Variants in DLG2 observed in about 807,000 individuals in gnomAD.
DLG2 encodes disks large homolog 2.
A neutral mutation model predicts 132.5 loss-of-function variants in DLG2; 45 were observed. The observed-to-expected ratio is 0.34, with a 90% CI of 0.27 to 0.44. The LOEUF (loss-of-function observed/expected upper bound fraction) is 0.44, where lower values mean the gene tolerates loss of function less well. Among genes scored for constraint, DLG2 ranks in the 20% least tolerant of loss-of-function variants. The probability of loss-of-function intolerance (pLI) is 1.00; values close to 1 mark genes in which losing one functional copy is unlikely to be tolerated. For missense variants in DLG2, 1,045 were observed against 1,196.9 expected, an observed-to-expected ratio of 0.87 and a Z score of 1.87; for synonymous variants, 424 against 419.6, an observed-to-expected ratio of 1.01 and a Z score of -0.13.
chr11:84,651,621 T>C (rs1342651590), intron 6 of DLG2, among the ~76,000 whole-genome samples: 1 of 152,140 alleles, frequency 6.6e-6, no homozygotes, highest in East Asian at 1.9e-4. Flanking sequence ...GTGAAGCCAT[T>C]GGTATTGGAA....
chr11:83,624,282 T>C (rs964316986), intron 19 of DLG2, among the ~76,000 whole-genome samples: 1 of 152,200 alleles, frequency 6.6e-6, no homozygotes, highest in African/African-American at 2.4e-5. Context: ...GAGTCACTTA[T>C]GATACTTTTG....
intron 4 of DLG2, among the ~76,000 whole-genome samples, chr11:85,222,304 A>G (rs151220034): frequency 1.4e-4 from 22 of 152,278 alleles, no homozygotes; most frequent in African/African-American, 4.6e-4. Context: ...AATATATCCT[A>G]AGTCATAGAC....
At chr11:83,966,126 A>G (rs2090141653) in intron 12 of DLG2, among the ~76,000 whole-genome samples, 1 of 151,942 alleles carries the variant, frequency 6.6e-6, no homozygotes, top group Non-Finnish European at 1.5e-5. Context: ...TTTGATACAC[A>G]TTTACCCATA....
At chr11:85,561,279 C>G (rs560685118) in intron 3 of DLG2, among the ~76,000 whole-genome samples, 1 of 118,630 alleles carries the variant, frequency 8.4e-6, no homozygotes, top group South Asian at 2.9e-4. Context: ...TTGCAATGAG[C>G]TATGATCATG....
chr11:85,205,858 C>T (rs932183077), intron 4 of DLG2, among the ~76,000 whole-genome samples: 2 of 152,108 alleles, frequency 1.3e-5, no homozygotes, highest in Non-Finnish European at 2.9e-5. Context: ...ACTCAAGATC[C>T]AATCTTTTTG....
At chr11:84,730,142 C>T (rs2062984501) in intron 6 of DLG2, among the ~76,000 whole-genome samples, 1 of 151,920 alleles carries the variant, frequency 6.6e-6, no homozygotes, top group Non-Finnish European at 1.5e-5. Flanking sequence ...CATTGTTCAC[C>T]AAATTTGATG....
intron 3 of DLG2, among the ~76,000 whole-genome samples, chr11:85,388,347 C>A: frequency 6.6e-6 from 1 of 152,160 alleles, no homozygotes; most frequent in African/African-American, 2.4e-5. Flanking sequence ...CTGTCCCCAC[C>A]TGATATCTTT....
chr11:83,945,070 C>T (rs2083492856), intron 14 of DLG2, among the ~76,000 whole-genome samples: 1 of 152,128 alleles, frequency 6.6e-6, no homozygotes, highest in Non-Finnish European at 1.5e-5. Flanking sequence ...ATACCATCAC[C>T]TTTAATCTGT....
At chr11:83,790,871 T>A (rs1594434606) in intron 17 of DLG2, 3 of 747,876 alleles carry the variant, frequency 4.0e-6, no homozygotes, top group Non-Finnish European at 7.2e-6. Flanking sequence ...AGCTACTTGA[T>A]CCTTCCAAAG....
At chr11:84,117,155 C>T (rs545369050) in intron 9 of DLG2, among the ~76,000 whole-genome samples, 1 of 152,330 alleles carries the variant, frequency 6.6e-6, no homozygotes, top group Non-Finnish European at 1.5e-5. Context: ...CAAATGAAAG[C>T]AACTGCTCCC....
At chr11:83,791,867 C>T (rs1039639823) in intron 17 of DLG2, among the ~76,000 whole-genome samples, 2 of 152,214 alleles carry the variant, frequency 1.3e-5, no homozygotes, top group African/African-American at 4.8e-5. Flanking sequence ...TCCTCCTCCT[C>T]CAGCTTGTGT....
In DLG2 at chr11:84,163,524, A is replaced by G. The variant is rs1273843702; in HGVS notation, c.574-13T>C. 1.3e-6 allele frequency: 2 copies of G among 1,591,912 alleles called. No individual in the cohort carries two copies. The highest frequency in any genetic ancestry group is 1.1e-5 in the South Asian group (1 of 88,342). On this transcript the variant is annotated splice_polypyrimidine_tract_variant and intron_variant, in intron 8 of 27. Transcript: ENST00000376104. ...CTGTCCCATTGACCTGTAAATAGGG[A>G]AAAAATAAGAAGAGAACTATTAAAT... is the stretch of plus-strand genomic sequence containing the variant.
intron 8 of DLG2, among the ~76,000 whole-genome samples, chr11:84,222,834 C>T (rs939009776): frequency 6.6e-6 from 1 of 152,140 alleles, no homozygotes; most frequent in African/African-American, 2.4e-5. Flanking sequence ...TGGAAAGATA[C>T]TAAGAGCAGA....
At chr11:83,769,926 C>A (rs975346376) in intron 18 of DLG2, among the ~76,000 whole-genome samples, 1 of 152,120 alleles carries the variant, frequency 6.6e-6, no homozygotes, top group African/African-American at 2.4e-5. Context: ...CCTGCTTCCT[C>A]TTCCTAAGTC....
chr11:85,382,846 G>T (rs2086005691), intron 3 of DLG2, among the ~76,000 whole-genome samples: 1 of 152,094 alleles, frequency 6.6e-6, no homozygotes, highest in African/African-American at 2.4e-5. Context: ...AATAAGTTTT[G>T]CTTAAGATAT....
chr11:84,442,801 G>A (rs606277), intron 7 of DLG2, among the ~76,000 whole-genome samples: 45,427 of 151,872 alleles, frequency 0.3, 8,515 homozygotes, highest in African/African-American at 0.53. Context: ...CTGATTTTCG[G>A]TATTTATATG....
intron 6 of DLG2, among the ~76,000 whole-genome samples, chr11:85,043,609 G>C (rs1055163398): frequency 3.8e-4 from 58 of 151,930 alleles, no homozygotes; most frequent in African/African-American, 1.4e-3. Flanking sequence ...TTCCAATTTA[G>C]AGAATTTTAG....
At chr11:85,522,445 C>A (rs1259523967) in intron 3 of DLG2, among the ~76,000 whole-genome samples, 1 of 152,168 alleles carries the variant, frequency 6.6e-6, no homozygotes, top group Non-Finnish European at 1.5e-5. Flanking sequence ...CATACAGAAT[C>A]CCCCCTAGGG....
intron 6 of DLG2, among the ~76,000 whole-genome samples, chr11:84,886,153 A>G (rs938053888): frequency 1.3e-5 from 2 of 152,094 alleles, no homozygotes; most frequent in African/African-American, 2.4e-5. Context: ...TGAAGAATGG[A>G]TAATACTGAA....
Sources: gnomAD v4.1 joint callset for allele counts (sites outside exome capture counted in the v4.1 genomes callset) on GRCh38, gnomAD v4.1.1 for gene constraint, MANE v1.5 for transcripts, NCBI Gene and HGNC (gene_info 2026-07-23, HGNC 2026-07-21) for gene names.